Variants in PEBP4 observed in about 807,000 individuals in gnomAD.
The protein encoded by PEBP4 is phosphatidylethanolamine-binding protein 4.
A neutral mutation model predicts 23.9 loss-of-function variants in PEBP4; 22 were observed. The ratio of observed to expected loss-of-function variants is 0.92; its 90% CI spans 0.66 to 1.31. The LOEUF (loss-of-function observed/expected upper bound fraction) is 1.31, where lower values mean the gene tolerates loss of function less well. PEBP4 is among the 40% of genes most tolerant of loss of function. PEBP4 has a pLI of 0.00. For missense variants in PEBP4, 324 were observed against 281.7 expected (o/e 1.15, Z -1.07); for synonymous variants, 112 against 99.3 (o/e 1.13, Z -0.76).
intron 4 of PEBP4, among the ~76,000 whole-genome samples, chr8:22,791,283 G>C (rs1248728691): frequency 6.6e-6 from 1 of 152,102 alleles, no homozygotes; most frequent in Non-Finnish European, 1.5e-5. Context: ...CTTGTCTCCG[G>C]TCCTGCAGTC....
At position 22,750,049 on chromosome 8, in the gene PEBP4, G is replaced by A. The variant is rs529730696; in HGVS notation, c.358-22829C>T. On this transcript the variant is annotated intron_variant, in intron 4 of 6. Transcript: ENST00000256404. ...TCGAACTCCCGACCTCATGTGATCCGCCTGCCTCGGCCTCCCAAAGTGCTG... is the reference window on the plus strand; with the variant it reads ...TCGAACTCCCGACCTCATGTGATCCACCTGCCTCGGCCTCCCAAAGTGCTG... Among the ~76,000 whole-genome samples, 281 of 151,764 alleles carry A rather than the reference G, an allele frequency of 1.9e-3. 1 individual carries two copies. Among genetic ancestry groups the A allele is most frequent in the Non-Finnish European group, 1.7e-3 (115 of 67,918 alleles).
At position 22,901,768 on chromosome 8, in the gene PEBP4, C is replaced by T. The variant is rs145354618; in HGVS notation, c.258+18416G>A. ...GTTGAAAAGAAATACTTGTACTTAG[C>T]GAGGGCACCGTTCTGTGACAGATGT... On this transcript the variant is annotated intron_variant, in intron 3 of 6. Transcript: ENST00000256404. 2.8e-4 allele frequency among the ~76,000 whole-genome samples: 42 copies of T among 152,244 alleles called. No individual in the cohort carries two copies. In the East Asian group the frequency reaches 7.5e-3, roughly 27 times the overall value.
At chr8:22,724,742 T>G in intron 6 of PEBP4, 101 bp downstream of exon 6, 7 of 841,348 alleles carry the variant, frequency 8.3e-6, no homozygotes, top group South Asian at 1.5e-5. Context: ...CCAAGGCTCA[T>G]GAGTGGGGGT....
chr8:22,727,042 G>C (rs189848708), intron 5 of PEBP4, 133 bp downstream of exon 5: 2 of 926,498 alleles, frequency 2.2e-6, no homozygotes, highest in South Asian at 2.8e-5. Context: ...CAGTTGTGGA[G>C]ATGAAATCAG....
chr8:22,808,670 T>A (rs1355231), intron 4 of PEBP4, among the ~76,000 whole-genome samples: 35,912 of 151,978 alleles, frequency 0.24, 4,626 homozygotes, highest in East Asian at 0.33. Flanking sequence ...CTCACGGAGA[T>A]GAGGAGGGTG....
intron 4 of PEBP4, among the ~76,000 whole-genome samples, chr8:22,798,124 G>A (rs1563219584): frequency 6.6e-6 from 1 of 152,144 alleles, no homozygotes. Flanking sequence ...GGGGGATTTT[G>A]AGCAGAACTT....
Position 22,837,577 on chromosome 8 carries a change from G to T in PEBP4, c.259-19842C>A, listed in dbSNP as rs1563232443. On this transcript the variant is annotated intron_variant, in intron 3 of 6. Transcript: ENST00000256404. ...TCTAGCTGTCAGTTAGCCTGCCCAGGGGACTCCATCATACCCATACACATG... is the reference window on the plus strand; with the variant it reads ...TCTAGCTGTCAGTTAGCCTGCCCAGTGGACTCCATCATACCCATACACATG... 5.9e-5 allele frequency among the ~76,000 whole-genome samples: 9 copies of T among 152,256 alleles called. No homozygotes were observed. In the South Asian group the frequency reaches 1.9e-3, roughly 32 times the overall value.
intron 4 of PEBP4, among the ~76,000 whole-genome samples, chr8:22,746,494 A>T (rs1805121801): frequency 6.6e-6 from 1 of 151,976 alleles, no homozygotes; most frequent in South Asian, 2.1e-4. Context: ...AGAAAGCCAG[A>T]GCTGTGTCCT....
chr8:22,776,015 A>C (rs1805807640), intron 4 of PEBP4, among the ~76,000 whole-genome samples: 1 of 152,166 alleles, frequency 6.6e-6, no homozygotes, highest in African/African-American at 2.4e-5. Flanking sequence ...CCAGAGAGGC[A>C]GGTGGGTCTG....
intron 3 of PEBP4, among the ~76,000 whole-genome samples, chr8:22,823,806 A>G (rs1350100933): frequency 6.6e-6 from 1 of 152,200 alleles, no homozygotes; most frequent in African/African-American, 2.4e-5. Context: ...AAAAAGACTA[A>G]TAACTCAATA....
chr8:22,802,137 C>T lies in PEBP4; in HGVS notation c.357+15500G>A, dbSNP rs201481806. 2.0e-4 allele frequency among the ~76,000 whole-genome samples: 31 copies of T among 152,302 alleles called. No homozygotes were observed. The East Asian group carries it at 3.9e-3, about 19-fold the overall frequency. On this transcript the variant is annotated intron_variant, in intron 4 of 6. Transcript: ENST00000256404. ...CTCCGGACTGTGGGTTCCTCCTCCT[C>T]GTCTCTCTGCGAAGCAACAGAACCC...
upstream of PEBP4, among the ~76,000 whole-genome samples, chr8:22,929,652 C>T (rs1809424416): frequency 6.6e-6 from 1 of 152,178 alleles, no homozygotes; most frequent in African/African-American, 2.4e-5. Flanking sequence ...AGTGGCAGAC[C>T]TGGAATTTGA....
intron 4 of PEBP4, among the ~76,000 whole-genome samples, chr8:22,814,267 C>T (rs1806693295): frequency 6.6e-6 from 1 of 152,182 alleles, no homozygotes; most frequent in Admixed American, 6.5e-5. Context: ...CAGTCTGGCT[C>T]TGGAGTCCTT....
chr8:22,937,469 T>C (rs1325420042), intron 1 of PEBP4, among the ~76,000 whole-genome samples: 1 of 152,212 alleles, frequency 6.6e-6, no homozygotes, highest in Non-Finnish European at 1.5e-5. Flanking sequence ...TCAATGCTCA[T>C]GGAGTGGAAG....
chr8:22,833,476 T>A (rs1186327686), intron 3 of PEBP4, among the ~76,000 whole-genome samples: 1 of 152,094 alleles, frequency 6.6e-6, no homozygotes, highest in Admixed American at 6.5e-5. Flanking sequence ...GGATTACAGG[T>A]GCATGCCACC....
At chr8:22,924,206 A>G (rs923639960) in intron 2 of PEBP4, among the ~76,000 whole-genome samples, 2 of 151,986 alleles carry the variant, frequency 1.3e-5, no homozygotes, top group Non-Finnish European at 2.9e-5. Flanking sequence ...TCTACAAAAA[A>G]TAAGAAACTT....
upstream of PEBP4, among the ~76,000 whole-genome samples, chr8:22,930,048 T>A (rs1312957572): frequency 6.6e-6 from 1 of 152,220 alleles, no homozygotes; most frequent in Non-Finnish European, 1.5e-5. Context: ...ACTCTGTAGC[T>A]GCTCCATTGC....
At chr8:22,761,217 C>T (rs1009679243) in intron 4 of PEBP4, among the ~76,000 whole-genome samples, 10 of 152,202 alleles carry the variant, frequency 6.6e-5, no homozygotes, top group Admixed American at 2.0e-4. Context: ...GGGCCTGCCC[C>T]GGGGAACTGT....
chr8:22,803,068 G>A (rs1217850566), intron 4 of PEBP4, among the ~76,000 whole-genome samples: 2 of 152,088 alleles, frequency 1.3e-5, no homozygotes, highest in African/African-American at 4.8e-5. Context: ...TGGCCTCCAA[G>A]GCCCTGTACC....
Sources: allele counts gnomAD v4.1 joint callset (sites outside exome capture counted in the v4.1 genomes callset), GRCh38; gene constraint gnomAD v4.1.1; transcripts MANE v1.5; gene names NCBI Gene and HGNC (gene_info 2026-07-23, HGNC 2026-07-21).